SYT1: variants seen among roughly 807,000 people sequenced by gnomAD.
The protein encoded by SYT1 is synaptotagmin 1.
SYT1 carries 8 observed loss-of-function variants against 44.8 expected under a neutral mutation model. That is an observed-to-expected ratio of 0.18 (90% CI 0.10 to 0.32). SYT1 has a LOEUF of 0.32. SYT1 is among the 10% of genes least tolerant of loss of function. The pLI is 1.00. For missense variants in SYT1, 286 were observed against 509.3 expected, an observed-to-expected ratio of 0.56 and a Z score of 4.22; for synonymous variants, 154 against 188.8, an observed-to-expected ratio of 0.82 and a Z score of 1.51.
chr12:79,216,945 A>G (rs1874843632), intron 3 of SYT1, among the ~76,000 whole-genome samples: 1 of 152,100 alleles, frequency 6.6e-6, no homozygotes, highest in Admixed American at 6.5e-5. Flanking sequence ...ACTTACCATC[A>G]ATAAATAAGA....
chr12:79,166,697 A>C (rs1025760721), intron 3 of SYT1, among the ~76,000 whole-genome samples: 3 of 151,916 alleles, frequency 2.0e-5, no homozygotes, highest in African/African-American at 7.2e-5. Flanking sequence ...AAAAATACCT[A>C]CCTCCCTGGG....
At chr12:79,265,034 T>G (rs991314706) in intron 4 of SYT1, among the ~76,000 whole-genome samples, 1 of 152,210 alleles carries the variant, frequency 6.6e-6, no homozygotes, top group African/African-American at 2.4e-5. Flanking sequence ...ATCTTTTATC[T>G]AGACAGCTTT....
chr12:78,880,431 A>G (rs887236497), intron 1 of SYT1, among the ~76,000 whole-genome samples: 2 of 151,626 alleles, frequency 1.3e-5, no homozygotes, highest in Non-Finnish European at 3.0e-5. Context: ...CACTCTTTGA[A>G]TACAGTTTTT....
intron 8 of SYT1, among the ~76,000 whole-genome samples, chr12:79,303,086 A>T (rs1038242253): frequency 6.6e-6 from 1 of 152,144 alleles, no homozygotes; most frequent in African/African-American, 2.4e-5. Flanking sequence ...TATTTATTGT[A>T]TACACAAGTC....
chr12:79,210,034 C>T (rs147015837), intron 3 of SYT1, among the ~76,000 whole-genome samples: 206 of 152,136 alleles, frequency 1.4e-3, no homozygotes, highest in African/African-American at 4.5e-3. Flanking sequence ...GGAAATAATG[C>T]TTTGTCTAAA....
intron 3 of SYT1, among the ~76,000 whole-genome samples, chr12:79,213,612 T>C (rs1765856937): frequency 6.6e-6 from 1 of 152,228 alleles, no homozygotes; most frequent in African/African-American, 2.4e-5. Context: ...ATAAGCAAAC[T>C]ATGTACATAA....
intron 8 of SYT1, among the ~76,000 whole-genome samples, chr12:79,307,966 G>A (rs1880496570): frequency 6.6e-6 from 1 of 152,210 alleles, no homozygotes; most frequent in Non-Finnish European, 1.5e-5. Flanking sequence ...AGGCCTCGAA[G>A]AGTGCTGAAA....
At chr12:79,212,613 T>C (rs1042325156) in intron 3 of SYT1, among the ~76,000 whole-genome samples, 1 of 152,232 alleles carries the variant, frequency 6.6e-6, no homozygotes, top group African/African-American at 2.4e-5. Context: ...ATATTTTTCT[T>C]GGTATATTTC....
intron 8 of SYT1, among the ~76,000 whole-genome samples, chr12:79,335,704 A>C (rs559984370): frequency 1.3e-5 from 2 of 152,290 alleles, no homozygotes; most frequent in East Asian, 3.9e-4. Flanking sequence ...TCCATTCAAA[A>C]ACACATACCC....
At chr12:78,907,328 A>G (rs1239376406) in intron 1 of SYT1, among the ~76,000 whole-genome samples, 2 of 152,074 alleles carry the variant, frequency 1.3e-5, no homozygotes, top group South Asian at 2.1e-4. Context: ...GCTTGATAAT[A>G]TTATCATAAT....
chr12:78,879,565 CTAGAAACCTGGGAGTT>C (rs1874347009), intron 1 of SYT1, among the ~76,000 whole-genome samples: 1 of 151,730 alleles, frequency 6.6e-6, no homozygotes, highest in Non-Finnish European at 1.5e-5. Flanking sequence ...ATTTTGTTAT[CTAGAAACCTGGGAGTT>C]ATACTTGTTT....
chr12:79,355,966 A>T (rs1212135096), intron 9 of SYT1, among the ~76,000 whole-genome samples: 2 of 152,048 alleles, frequency 1.3e-5, no homozygotes, highest in African/African-American at 4.8e-5. Context: ...GAGTCTACCA[A>T]GAGATAACAG....
At chr12:79,275,078 G>A (rs1369996158) in intron 4 of SYT1, among the ~76,000 whole-genome samples, 1 of 152,092 alleles carries the variant, frequency 6.6e-6, no homozygotes, top group Non-Finnish European at 1.5e-5. Context: ...CTAAGGGACT[G>A]CCACTCCTAG....
intron 2 of SYT1, among the ~76,000 whole-genome samples, chr12:78,979,221 G>A (rs1011021842): frequency 6.6e-6 from 1 of 152,116 alleles, no homozygotes; most frequent in African/African-American, 2.4e-5. Flanking sequence ...TTACAATGAA[G>A]GGCAGGTGCC....
intron 9 of SYT1, among the ~76,000 whole-genome samples, chr12:79,396,750 C>T (rs1423638895): frequency 1.3e-5 from 2 of 152,114 alleles, no homozygotes; most frequent in Non-Finnish European, 2.9e-5. Flanking sequence ...ATTTATTGAG[C>T]ATTTATTTGG....
At chr12:79,332,280 G>C (rs1220974107) in intron 8 of SYT1, among the ~76,000 whole-genome samples, 1 of 152,146 alleles carries the variant, frequency 6.6e-6, no homozygotes, top group Admixed American at 6.6e-5. Context: ...GTGTGATTTA[G>C]TGACATCACA....
At chr12:79,154,677 G>A (rs1489933523) in intron 3 of SYT1, among the ~76,000 whole-genome samples, 1 of 152,060 alleles carries the variant, frequency 6.6e-6, no homozygotes, top group Non-Finnish European at 1.5e-5. Flanking sequence ...AACTAAATGA[G>A]GACCACATAG....
Position 78,865,056 on chromosome 12 carries a change from C to G in SYT1, c.-270C>G, listed in dbSNP as rs1873458561. 1.3e-5 allele frequency: 2 copies of G among 152,256 alleles called. No homozygotes were observed. Among genetic ancestry groups the G allele is most frequent in the African/African-American group, 4.8e-5 (2 of 41,448 alleles). 9.4% of individuals were successfully genotyped at this position (152,256 alleles called of 1,614,324 possible). A position where few individuals can be genotyped will look rare whatever the true frequency, so the allele number is the denominator to read the frequency against. ...CGCGTGTGCCTCGCGCCGGTCCACG[C>G]GGGGAGAGCACTGGGGACCGAGACC... On this transcript the variant is annotated 5_prime_UTR_variant, in exon 1 of 11. Transcript: ENST00000261205.
At chr12:79,194,351 T>G (rs1047023594) in intron 3 of SYT1, among the ~76,000 whole-genome samples, 2 of 152,048 alleles carry the variant, frequency 1.3e-5, no homozygotes, top group Non-Finnish European at 2.9e-5. Flanking sequence ...ACTACTGCAG[T>G]GGGTCTCAAA....
Sources: gnomAD v4.1 joint callset for allele counts (sites outside exome capture counted in the v4.1 genomes callset) on GRCh38, gnomAD v4.1.1 for gene constraint, MANE v1.5 for transcripts, NCBI Gene and HGNC (gene_info 2026-07-23, HGNC 2026-07-21) for gene names.